ARHGAP40: variants seen among roughly 807,000 people sequenced by gnomAD.
The protein encoded by ARHGAP40 is rho GTPase-activating protein 40.
ARHGAP40 carries 43 observed loss-of-function variants against 73.5 expected under a neutral mutation model. The observed-to-expected ratio is 0.58, with a 90% confidence interval of 0.46 to 0.75. The LOEUF is 0.75. ARHGAP40 is among the 30% of genes least tolerant of loss of function. The pLI, the probability that ARHGAP40 is intolerant of heterozygous loss-of-function variation, is 0.00. For synonymous variants in ARHGAP40, 300 were observed against 352.8 expected (o/e 0.85, Z 1.68); for missense variants, 734 against 861.8 (o/e 0.85, Z 1.86).
At chr20:38,648,752 G>A (rs1310609221) in intron 14 of ARHGAP40, 54 bp downstream of exon 14, 12 of 1,283,070 alleles carry the variant, frequency 9.4e-6, no homozygotes, top group Non-Finnish European at 1.0e-5. Context: ...GGAGTTCTTC[G>A]ACCTCAAAGG....
chr20:38,634,515 C>T, intron 5 of ARHGAP40, 105 bp from the exon 6 acceptor site: 1 of 1,030,130 alleles, frequency 9.7e-7, no homozygotes, highest in South Asian at 1.3e-5. Flanking sequence ...CTTATCCACG[C>T]TGCTCTTCCT....
chr20:38,611,249 A>C (rs2088803144), intron 1 of ARHGAP40, among the ~76,000 whole-genome samples: 1 of 151,870 alleles, frequency 6.6e-6, no homozygotes, highest in South Asian at 2.1e-4. Flanking sequence ...AAAAGGGAGG[A>C]GCGTATAATG....
intron 1 of ARHGAP40, among the ~76,000 whole-genome samples, chr20:38,610,685 G>A (rs2088799234): frequency 6.6e-6 from 1 of 152,166 alleles, no homozygotes; most frequent in Non-Finnish European, 1.5e-5. Context: ...GGTTAGAGGA[G>A]TGAAGCTTCG....
intron 5 of ARHGAP40, among the ~76,000 whole-genome samples, chr20:38,631,446 C>T (rs1272820367): frequency 1.3e-5 from 2 of 152,134 alleles, no homozygotes; most frequent in East Asian, 1.9e-4. Flanking sequence ...GTGAAAGGCA[C>T]GTCTCATGTG....
At chr20:38,626,886 GA>G in intron 2 of ARHGAP40, 108 bp from the exon 3 acceptor site, 1 of 841,820 alleles carries the variant, frequency 1.2e-6, no homozygotes, top group Non-Finnish European at 1.7e-6. Context: ...CAGATATGCA[GA>G]AACTCCTGTG....
intron 1 of ARHGAP40, among the ~76,000 whole-genome samples, chr20:38,618,585 C>T (rs549480731): frequency 7.2e-5 from 11 of 152,166 alleles, no homozygotes; most frequent in South Asian, 2.1e-4. Context: ...TGAATGGCTG[C>T]GGGTGACTTC....
At position 38,630,793 on chromosome 20, in the gene ARHGAP40, G is replaced by A. The variant is rs74412250; in HGVS notation, c.783+1143G>A. Among the ~76,000 whole-genome samples, 1,269 of 152,180 alleles carry A rather than the reference G, an allele frequency of 8.3e-3. 17 individuals carry two copies. Among genetic ancestry groups the A allele is most frequent in the African/African-American group, 0.029 (1,224 of 41,514 alleles). On this transcript the variant is annotated intron_variant, in intron 5 of 14. Transcript: ENST00000373345. ...CCTCAGTGCCCGCATGCCCTTCCCA[G>A]GTAATTCCTTTCCCTGCAGAATAAC...
Position 38,613,674 on chromosome 20 carries a change from T to A in ARHGAP40, c.138-9685T>A, listed in dbSNP as rs555351107. Among the ~76,000 whole-genome samples, 131 of 152,334 alleles carry A rather than the reference T, an allele frequency of 8.6e-4. 1 individual carries two copies. The highest frequency in any genetic ancestry group is 1.5e-3 in the Non-Finnish European group (99 of 68,020). On this transcript the variant is annotated intron_variant, in intron 1 of 14. Coordinates refer to ENST00000373345, the Ensembl canonical transcript of ARHGAP40. ...TCCTCTGTTCTGATTTGTGCCCAACTTGAACAGCTAAAGGGGGCACCCATA... is the reference window on the plus strand; with the variant it reads ...TCCTCTGTTCTGATTTGTGCCCAACATGAACAGCTAAAGGGGGCACCCATA...
intron 9 of ARHGAP40, among the ~76,000 whole-genome samples, chr20:38,640,619 A>G (rs1238520245): frequency 6.6e-6 from 1 of 151,348 alleles, no homozygotes; most frequent in Non-Finnish European, 1.5e-5. Flanking sequence ...TACTAGGCCC[A>G]CCTCCTCCGG....
exon 15 of ARHGAP40, chr20:38,650,556 C>T (rs2089083677): frequency 6.4e-6 from 3 of 465,906 alleles, no homozygotes; most frequent in Non-Finnish European, 1.3e-5. Flanking sequence ...AGCTCTCATG[C>T]TTTACATGTT....
intron 1 of ARHGAP40, among the ~76,000 whole-genome samples, chr20:38,617,301 T>C (rs928141560): frequency 6.6e-6 from 1 of 152,238 alleles, no homozygotes; most frequent in African/African-American, 2.4e-5. Context: ...CTTGCTTCTG[T>C]GGCTCTCAGC....
chr20:38,623,584 A>G, intron 2 of ARHGAP40, 26 bp downstream of exon 2: 1 of 1,267,382 alleles, frequency 7.9e-7, no homozygotes, highest in South Asian at 1.3e-5. Context: ...GGGGGCCTAT[A>G]GGGGTGGTGG....
At chr20:38,627,128 G>C in exon 3 of ARHGAP40, 1 of 1,305,456 alleles carries the variant, frequency 7.7e-7, no homozygotes, top group Non-Finnish European at 1.0e-6. Flanking sequence ...TGTGCCGCCG[G>C]CTGGACATCT....
intron 1 of ARHGAP40, chr20:38,614,877 AC>A: frequency 8.2e-7 from 1 of 1,226,864 alleles, no homozygotes; most frequent in East Asian, 2.3e-5. Context: ...CCTGAGCGTC[AC>A]ATCCCCCAGC....
At chr20:38,647,265 C>T (rs2089060360) in intron 13 of ARHGAP40, 139 bp downstream of exon 13, 2 of 610,180 alleles carry the variant, frequency 3.3e-6, no homozygotes, top group Non-Finnish European at 4.8e-6. Context: ...GATGGGTTCT[C>T]CAATCTTAGA....
chr20:38,606,188 G>A (rs1569006158), intron 1 of ARHGAP40, among the ~76,000 whole-genome samples: 1 of 152,176 alleles, frequency 6.6e-6, no homozygotes, highest in Non-Finnish European at 1.5e-5. Context: ...AAGACTGTGT[G>A]ATGTTTCATT....
In ARHGAP40 at chr20:38,602,087, G is replaced by A; in HGVS notation, c.137+8G>A. On this transcript the variant is annotated splice_region_variant and intron_variant, in intron 1 of 14. Coordinates refer to ENST00000373345, the Ensembl canonical transcript of ARHGAP40. ...GGCCGACCTGGGCTGCAGGTACAGG[G>A]GTCACGGGAGCGGGAGGGAAGTTGG... 7.8e-7 allele frequency: 1 copy of A among 1,274,686 alleles called. No individual in the cohort carries two copies. The highest frequency in any genetic ancestry group is 1.0e-6 in the Non-Finnish European group (1 of 979,954). The allele number at this position is 1,274,686 out of a possible 1,614,324, so 79.0% of individuals were successfully genotyped here. A position where few individuals can be genotyped will look rare whatever the true frequency, so the allele number is the denominator to read the frequency against.
intron 5 of ARHGAP40, among the ~76,000 whole-genome samples, chr20:38,633,419 G>T (rs1450789361): frequency 2.0e-5 from 3 of 152,186 alleles, no homozygotes; most frequent in Non-Finnish European, 4.4e-5. Flanking sequence ...CTAAAAAGTA[G>T]TAGTAAGTAT....
rs770252585 is a variant in ARHGAP40, at chr20:38,637,858, A to G, written c.1041+59A>G. Reference sequence around the variant, plus strand: ...AATCCTTCAGAGGCTGGCTCAGGGGACCATTGTCAGGAGACATCCAGCAAA... The same window carrying G: ...AATCCTTCAGAGGCTGGCTCAGGGGGCCATTGTCAGGAGACATCCAGCAAA... On this transcript the variant is annotated intron_variant, in intron 7 of 14. Coordinates refer to ENST00000373345, the Ensembl canonical transcript of ARHGAP40. 1.7e-4 allele frequency: 209 copies of G among 1,240,646 alleles called. 1 individual carries two copies. The highest frequency in any genetic ancestry group is 2.1e-4 in the Non-Finnish European group (195 of 940,960). The allele number at this position is 1,240,646 out of a possible 1,614,324, so 76.9% of individuals were successfully genotyped here. A position where few individuals can be genotyped will look rare whatever the true frequency, so the allele number is the denominator to read the frequency against.
Sources: gnomAD v4.1 joint callset for allele counts (sites outside exome capture counted in the v4.1 genomes callset) on GRCh38, gnomAD v4.1.1 for gene constraint, MANE v1.5 for transcripts, NCBI Gene and HGNC (gene_info 2026-07-23, HGNC 2026-07-21) for gene names.